BTBD9: variants seen among roughly 807,000 people sequenced by gnomAD.
BTBD9 encodes BTB domain containing 9, also known as BTB/POZ domain-containing protein 9.
In BTBD9, 49 loss-of-function variants were observed where a neutral mutation model predicts 64.3. That is an observed-to-expected ratio of 0.76 (90% CI 0.61 to 0.97). The LOEUF (loss-of-function observed/expected upper bound fraction) is 0.97. Ranked by LOEUF, BTBD9 falls within the 50% of genes least tolerant of loss-of-function variation. BTBD9 has a pLI of 0.00. For synonymous variants in BTBD9, 260 were observed against 274.7 expected (o/e 0.95, Z 0.53); for missense variants, 598 against 762.1 (o/e 0.78, Z 2.53).
intron 8 of BTBD9, among the ~76,000 whole-genome samples, chr6:38,263,387 G>C (rs186995309): frequency 1.4e-4 from 22 of 152,142 alleles, no homozygotes; most frequent in Admixed American, 1.3e-3. Context: ...GGTTTTTTTG[G>C]TATGTCTGTA....
At chr6:38,202,245 C>A (rs1284729771) in intron 9 of BTBD9, among the ~76,000 whole-genome samples, 1 of 151,834 alleles carries the variant, frequency 6.6e-6, no homozygotes. Context: ...GCACCACACC[C>A]AGCTAATTTT....
intron 9 of BTBD9, among the ~76,000 whole-genome samples, chr6:38,220,611 G>A (rs914478582): frequency 1.3e-5 from 2 of 152,220 alleles, no homozygotes; most frequent in African/African-American, 4.8e-5. Flanking sequence ...TTTAAAATGT[G>A]ATTTAATGAT....
intron 6 of BTBD9, among the ~76,000 whole-genome samples, chr6:38,422,720 T>C (rs1288982322): frequency 6.6e-6 from 1 of 152,220 alleles, no homozygotes; most frequent in Non-Finnish European, 1.5e-5. Flanking sequence ...GAGGTCACGA[T>C]TTGCCTCCCT....
chr6:38,302,522 T>TATATATATCA (rs1762451848), intron 7 of BTBD9, among the ~76,000 whole-genome samples: 1 of 141,498 alleles, frequency 7.1e-6, no homozygotes, highest in Non-Finnish European at 1.5e-5. Context: ...TATATATATA[T>TATATATATCA]ATCACATTCT....
intron 1 of BTBD9, among the ~76,000 whole-genome samples, chr6:38,630,978 T>G (rs558038642): frequency 7.4e-4 from 113 of 152,346 alleles, no homozygotes; most frequent in Admixed American, 1.2e-3. Context: ...GGAAGCATTT[T>G]TCTTCTAAAA....
Position 38,175,168 on chromosome 6 carries a change from G to A in BTBD9, c.1656C>T (p.Val552=), listed in dbSNP as rs372322026. 4 of 1,614,086 alleles carry A rather than the reference G, an allele frequency of 2.5e-6. No individual in the cohort carries two copies. In the African/African-American group the frequency reaches 4.0e-5, roughly 16 times the overall value. ...HNTANEVFHC[V]HFECPEQQSS... ...TCTGCTGCTCTGGACACTCAAAGTG[G>A]ACACAGTGGAACACCTGGGAGAGAA... is the stretch of plus-strand genomic sequence containing the variant. The change falls in exon 11 of 11, where the codon GTC becomes GTT. Residue 552 remains valine (V), a synonymous_variant. Coordinates refer to ENST00000481247, the MANE Select transcript of BTBD9 (RefSeq NM_001099272.2).
chr6:38,194,616 G>A lies in BTBD9; in HGVS notation c.1563-2019C>T, dbSNP rs1762211561. Among the ~76,000 whole-genome samples the A allele has an allele frequency of 1.3e-5, 2 of 152,160 alleles. 1 individual carries two copies. The highest frequency in any genetic ancestry group is 1.3e-4 in the Admixed American group (2 of 15,278). Reference sequence around the variant, plus strand: ...ACATGCGTGTGGCTCTGAGAGTGAAGGCAGGCCCAGAATCACGGCCCTGTG... The same window carrying A: ...ACATGCGTGTGGCTCTGAGAGTGAAAGCAGGCCCAGAATCACGGCCCTGTG... On this transcript the variant is annotated intron_variant, in intron 9 of 10. Coordinates refer to ENST00000481247, the MANE Select transcript of BTBD9 (RefSeq NM_001099272.2).
At chr6:38,466,416 C>T (rs1770397239) in intron 6 of BTBD9, among the ~76,000 whole-genome samples, 1 of 150,674 alleles carries the variant, frequency 6.6e-6, no homozygotes, top group Admixed American at 6.7e-5. Context: ...GTCAGCTTCC[C>T]GAGTAGCTGA....
Position 38,300,173 on chromosome 6 carries a change from T to C in BTBD9, c.1265-11712A>G, listed in dbSNP as rs9765858. On this transcript the variant is annotated intron_variant, in intron 7 of 10. Transcript: ENST00000481247. The stretch of plus-strand genomic sequence containing the variant: ...GTCAAAGATCAGATAGTTGTAGATA[T>C]GCAGCATTATTTCTGAGGGCTCTGT... Among the ~76,000 whole-genome samples, 1,218 of 152,282 alleles carry C rather than the reference T, an allele frequency of 8.0e-3. 17 individuals carry two copies. Among genetic ancestry groups the C allele is most frequent in the African/African-American group, 0.027 (1,139 of 41,554 alleles).
At chr6:38,471,280 A>G (rs1464695127) in intron 6 of BTBD9, among the ~76,000 whole-genome samples, 1 of 152,176 alleles carries the variant, frequency 6.6e-6, no homozygotes, top group Non-Finnish European at 1.5e-5. Context: ...AATCATTTCA[A>G]CTGGCTAACA....
At chr6:38,232,921 T>G (rs1362577710) in intron 9 of BTBD9, among the ~76,000 whole-genome samples, 1 of 152,200 alleles carries the variant, frequency 6.6e-6, no homozygotes, top group Non-Finnish European at 1.5e-5. Flanking sequence ...GGATGCTGTG[T>G]TCACCCTGGG....
chr6:38,227,464 G>A (rs187954837), intron 9 of BTBD9, among the ~76,000 whole-genome samples: 225 of 152,316 alleles, frequency 1.5e-3, no homozygotes, highest in African/African-American at 4.8e-3. Context: ...CTGGCAAAGT[G>A]CTACAGAGCC....
chr6:38,267,006 C>T (rs1341960331), intron 8 of BTBD9, among the ~76,000 whole-genome samples: 1 of 152,204 alleles, frequency 6.6e-6, no homozygotes, highest in Non-Finnish European at 1.5e-5. Context: ...CTGCCTTGAT[C>T]CCAGCAGCTT....
chr6:38,553,381 G>A (rs1774894469), intron 6 of BTBD9, among the ~76,000 whole-genome samples: 1 of 152,154 alleles, frequency 6.6e-6, no homozygotes, highest in African/African-American at 2.4e-5. Context: ...GGAGGGGGCA[G>A]GCTGGTCACT....
chr6:38,392,153 C>G (rs1766448349), intron 6 of BTBD9, among the ~76,000 whole-genome samples: 1 of 151,956 alleles, frequency 6.6e-6, no homozygotes, highest in Admixed American at 6.6e-5. Flanking sequence ...GTCCTCCTCC[C>G]AGAGTCTAGA....
intron 6 of BTBD9, among the ~76,000 whole-genome samples, chr6:38,397,327 G>A (rs1396657127): frequency 1.3e-5 from 2 of 152,184 alleles, no homozygotes; most frequent in Non-Finnish European, 2.9e-5. Flanking sequence ...CAAGAAAAGG[G>A]CAATTAGTTA....
chr6:38,302,735 T>C (rs942460114), intron 7 of BTBD9, among the ~76,000 whole-genome samples: 1 of 151,944 alleles, frequency 6.6e-6, no homozygotes, highest in Non-Finnish European at 1.5e-5. Flanking sequence ...TTTTCCACAA[T>C]GGCTGTACTA....
At chr6:38,409,719 G>C (rs186990513) in intron 6 of BTBD9, among the ~76,000 whole-genome samples, 1 of 152,060 alleles carries the variant, frequency 6.6e-6, no homozygotes, top group Non-Finnish European at 1.5e-5. Flanking sequence ...AGCTACTTGG[G>C]AGGCTAAGGC....
chr6:38,403,482 C>T (rs1221330587), intron 6 of BTBD9, among the ~76,000 whole-genome samples: 1 of 152,168 alleles, frequency 6.6e-6, no homozygotes, highest in Non-Finnish European at 1.5e-5. Context: ...TATGAAAAGA[C>T]ACTCAATGTT....
Sources: allele counts gnomAD v4.1 joint callset (sites outside exome capture counted in the v4.1 genomes callset), GRCh38; gene constraint gnomAD v4.1.1; transcripts MANE v1.5; gene names NCBI Gene and HGNC (gene_info 2026-07-23, HGNC 2026-07-21).